Variants in DNM3 observed in about 807,000 individuals in gnomAD.
DNM3 encodes dynamin-3.
DNM3 carries 47 observed loss-of-function variants against 101.6 expected under a neutral mutation model. The ratio of observed to expected loss-of-function variants is 0.46; its 90% CI spans 0.37 to 0.59. The LOEUF is 0.59. DNM3 is among the 20% of genes least tolerant of loss of function. DNM3 has a pLI of 0.00. For missense variants in DNM3, 849 were observed against 1,085.7 expected, an observed-to-expected ratio of 0.78 and a Z score of 3.06; for synonymous variants, 385 against 387.9, an observed-to-expected ratio of 0.99 and a Z score of 0.09.
chr1:172,019,496 T>A (rs974126381), intron 4 of DNM3, among the ~76,000 whole-genome samples: 3 of 151,924 alleles, frequency 2.0e-5, no homozygotes, highest in Non-Finnish European at 4.4e-5. Flanking sequence ...CTGTCGGAGC[T>A]TCCTGAACCT....
At chr1:171,967,734 T>C (rs1182142110) in intron 2 of DNM3, among the ~76,000 whole-genome samples, 1 of 152,168 alleles carries the variant, frequency 6.6e-6, no homozygotes, top group African/African-American at 2.4e-5. Context: ...ACTGGGGAAA[T>C]TTATTTGCAT....
intron 15 of DNM3, among the ~76,000 whole-genome samples, chr1:172,260,889 A>G (rs1332411088): frequency 6.6e-6 from 1 of 152,024 alleles, no homozygotes; most frequent in East Asian, 1.9e-4. Flanking sequence ...CTTTAGTGAT[A>G]GTATTTTTAA....
chr1:172,206,002 C>G (rs992620608), intron 14 of DNM3, among the ~76,000 whole-genome samples: 1 of 151,956 alleles, frequency 6.6e-6, no homozygotes, highest in Admixed American at 6.6e-5. Flanking sequence ...ATATTGGTTC[C>G]CTGAATAATA....
intron 15 of DNM3, among the ~76,000 whole-genome samples, chr1:172,272,348 A>G (rs191445745): frequency 6.6e-6 from 1 of 152,150 alleles, no homozygotes; most frequent in Admixed American, 6.6e-5. Context: ...TAACTGCTTC[A>G]TCAGGATATC....
chr1:172,292,800 A>T (rs943723250), intron 15 of DNM3, among the ~76,000 whole-genome samples: 1 of 152,204 alleles, frequency 6.6e-6, no homozygotes, highest in Non-Finnish European at 1.5e-5. Context: ...TTTACTATTT[A>T]AAAAAATGTG....
intron 4 of DNM3, among the ~76,000 whole-genome samples, chr1:171,994,795 A>T (rs866860316): frequency 3.3e-5 from 5 of 151,370 alleles, no homozygotes; most frequent in African/African-American, 9.7e-5. Flanking sequence ...TTTTTGACAA[A>T]TTTTTTCTGG....
At chr1:172,259,664 A>G (rs2062561870) in intron 15 of DNM3, among the ~76,000 whole-genome samples, 1 of 152,132 alleles carries the variant, frequency 6.6e-6, no homozygotes, top group African/African-American at 2.4e-5. Flanking sequence ...TGTAAGCAGC[A>G]TATAGTTAGA....
intron 14 of DNM3, among the ~76,000 whole-genome samples, chr1:172,177,840 A>G (rs1482215614): frequency 6.6e-6 from 1 of 151,888 alleles, no homozygotes; most frequent in Admixed American, 6.6e-5. Flanking sequence ...AAGGTCATGC[A>G]CATCCTCAGT....
intron 20 of DNM3, 23 bp downstream of exon 20, chr1:172,388,832 G>C (rs756996996): frequency 2.4e-5 from 36 of 1,529,686 alleles, no homozygotes; most frequent in Admixed American, 2.0e-4. Context: ...GCAGAAATTG[G>C]GGGGGTAGTG....
At chr1:171,844,746 T>G (rs1254376321) in intron 1 of DNM3, among the ~76,000 whole-genome samples, 2 of 152,228 alleles carry the variant, frequency 1.3e-5, no homozygotes, top group South Asian at 2.1e-4. Flanking sequence ...AGAGGCAGCT[T>G]AAGATCTAAT....
At chr1:172,228,765 A>T (rs2061229178) in intron 14 of DNM3, among the ~76,000 whole-genome samples, 1 of 152,140 alleles carries the variant, frequency 6.6e-6, no homozygotes. Flanking sequence ...GAATAATTTT[A>T]TAAATGTATT....
chr1:172,223,630 T>C (rs989699042), intron 14 of DNM3, among the ~76,000 whole-genome samples: 3 of 152,174 alleles, frequency 2.0e-5, no homozygotes, highest in South Asian at 2.1e-4. Context: ...TTATCTATTG[T>C]TCCCTATTTC....
intron 13 of DNM3, among the ~76,000 whole-genome samples, chr1:172,118,068 A>G (rs1244428567): frequency 6.6e-6 from 1 of 152,180 alleles, no homozygotes; most frequent in East Asian, 1.9e-4. Context: ...AATGGTGTCT[A>G]TATCCTCACA....
intron 18 of DNM3, among the ~76,000 whole-genome samples, chr1:172,380,179 T>C (rs1462781112): frequency 6.6e-6 from 1 of 152,050 alleles, no homozygotes; most frequent in Non-Finnish European, 1.5e-5. Context: ...GTCTGTTTCC[T>C]CCATATGTAA....
chr1:171,939,355 G>A (rs140254374), intron 2 of DNM3, among the ~76,000 whole-genome samples: 41 of 152,264 alleles, frequency 2.7e-4, no homozygotes, highest in African/African-American at 8.4e-4. Flanking sequence ...ACTCATGATT[G>A]TGAGGTTAAA....
At chr1:172,009,055 A>C (rs1471645245) in intron 4 of DNM3, among the ~76,000 whole-genome samples, 4 of 138,356 alleles carry the variant, frequency 2.9e-5, no homozygotes, top group Admixed American at 1.6e-4. Context: ...TATATTATAT[A>C]ATATATTATA....
intron 2 of DNM3, among the ~76,000 whole-genome samples, chr1:171,948,704 A>T (rs897389004): frequency 3.3e-5 from 5 of 152,178 alleles, no homozygotes; most frequent in African/African-American, 1.2e-4. Flanking sequence ...TTCCTGAAAG[A>T]GCCAAATTCC....
intron 17 of DNM3, among the ~76,000 whole-genome samples, chr1:172,342,615 G>C (rs2066740120): frequency 6.6e-6 from 1 of 152,178 alleles, no homozygotes; most frequent in Non-Finnish European, 1.5e-5. Context: ...TGAGGGTGGA[G>C]AGTGGGAGGA....
intron 15 of DNM3, among the ~76,000 whole-genome samples, chr1:172,301,406 G>A (rs949383333): frequency 3.3e-5 from 5 of 152,144 alleles, no homozygotes; most frequent in Non-Finnish European, 5.9e-5. Context: ...GGAGGCTGAG[G>A]TGGAAGGATC....
Sources: allele counts gnomAD v4.1 joint callset (sites outside exome capture counted in the v4.1 genomes callset), GRCh38; gene constraint gnomAD v4.1.1; transcripts MANE v1.5; gene names NCBI Gene and HGNC (gene_info 2026-07-23, HGNC 2026-07-21).